Variants in CCSER1 observed in about 807,000 individuals in gnomAD.
The protein encoded by CCSER1 is serine-rich coiled-coil domain-containing protein 1.
A neutral mutation model predicts 82.0 loss-of-function variants in CCSER1; 41 were observed. That is an observed-to-expected ratio of 0.50 (90% CI 0.39 to 0.65). CCSER1 has a LOEUF of 0.65. CCSER1 is among the 30% of genes least tolerant of loss of function. CCSER1 has a pLI of 0.00. For missense variants in CCSER1, 1,119 were observed against 1,064.2 expected (o/e 1.05, Z -0.72); for synonymous variants, 414 against 383.9 (o/e 1.08, Z -0.92).
At chr4:90,700,461 G>C (rs1411591099) in intron 6 of CCSER1, among the ~76,000 whole-genome samples, 2 of 152,144 alleles carry the variant, frequency 1.3e-5, no homozygotes, top group Non-Finnish European at 2.9e-5. Context: ...GTGTGCATGT[G>C]TCTTTATAGC....
intron 10 of CCSER1, among the ~76,000 whole-genome samples, chr4:91,281,314 T>C (rs901758300): frequency 6.6e-6 from 1 of 152,194 alleles, no homozygotes; most frequent in African/African-American, 2.4e-5. Context: ...AGGGATCAAG[T>C]ATCACATGCC....
intron 9 of CCSER1, among the ~76,000 whole-genome samples, chr4:90,950,684 A>G (rs1732810577): frequency 6.6e-6 from 1 of 152,134 alleles, no homozygotes; most frequent in South Asian, 2.1e-4. Flanking sequence ...ATATATGGCC[A>G]TTAAAAACAG....
At chr4:90,944,097 G>T (rs975736320) in intron 9 of CCSER1, among the ~76,000 whole-genome samples, 9 of 151,900 alleles carry the variant, frequency 5.9e-5, no homozygotes, top group Admixed American at 5.9e-4. Flanking sequence ...AGCTGGGCGA[G>T]CGGCTTGAGC....
chr4:90,565,897 A>G (rs1167156510), intron 5 of CCSER1, among the ~76,000 whole-genome samples: 2 of 145,836 alleles, frequency 1.4e-5, no homozygotes. Context: ...GTCTTGCTCT[A>G]TCACCCAGGG....
chr4:91,204,578 A>G (rs1736189837), intron 10 of CCSER1, among the ~76,000 whole-genome samples: 1 of 151,826 alleles, frequency 6.6e-6, no homozygotes, highest in Non-Finnish European at 1.5e-5. Context: ...AGCCTTTAAA[A>G]CTATCTTGCA....
At chr4:90,780,664 A>G (rs1031133345) in intron 7 of CCSER1, 5 of 1,360,948 alleles carry the variant, frequency 3.7e-6, no homozygotes, top group South Asian at 4.1e-5. Flanking sequence ...TCTTAAAATA[A>G]TAATGAACTA....
chr4:91,437,368 A>G (rs1650965951), intron 10 of CCSER1, among the ~76,000 whole-genome samples: 1 of 152,238 alleles, frequency 6.6e-6, no homozygotes, highest in Admixed American at 6.5e-5. Context: ...GTCATAAAAC[A>G]AGAAAAATAT....
intron 10 of CCSER1, among the ~76,000 whole-genome samples, chr4:91,382,323 G>T (rs1434059578): frequency 6.6e-6 from 1 of 152,200 alleles, no homozygotes; most frequent in Non-Finnish European, 1.5e-5. Flanking sequence ...TACAGAGGCA[G>T]GCAGGCCTCC....
chr4:90,232,863 A>G (rs1003791693), intron 1 of CCSER1, among the ~76,000 whole-genome samples: 8 of 151,830 alleles, frequency 5.3e-5, no homozygotes, highest in East Asian at 1.9e-4. Context: ...GCCAAAAACC[A>G]CATGAAAAAA....
At chr4:91,515,266 A>G (rs1012090051) in intron 10 of CCSER1, among the ~76,000 whole-genome samples, 1 of 152,072 alleles carries the variant, frequency 6.6e-6, no homozygotes, top group African/African-American at 2.4e-5. Flanking sequence ...AGGTAAAGTC[A>G]AGTCATGGGG....
intron 8 of CCSER1, among the ~76,000 whole-genome samples, chr4:90,910,756 A>G (rs1726208794): frequency 6.6e-6 from 1 of 152,310 alleles, no homozygotes; most frequent in African/African-American, 2.4e-5. Flanking sequence ...TTTTTTAAAC[A>G]TACAAACCTG....
intron 7 of CCSER1, among the ~76,000 whole-genome samples, chr4:90,782,929 C>T (rs912899016): frequency 6.6e-6 from 1 of 151,062 alleles, no homozygotes; most frequent in African/African-American, 2.4e-5. Flanking sequence ...ATCCCCCCTC[C>T]TCGGCCTCCC....
intron 10 of CCSER1, among the ~76,000 whole-genome samples, chr4:91,526,434 C>G (rs76125902): frequency 0.13 from 20,442 of 152,064 alleles, 1,551 homozygotes; most frequent in African/African-American, 0.21. Flanking sequence ...GCACCCTGAC[C>G]ACCCTGGGGA....
At chr4:91,330,385 C>T (rs996360046) in intron 10 of CCSER1, among the ~76,000 whole-genome samples, 8 of 152,134 alleles carry the variant, frequency 5.3e-5, no homozygotes, top group Admixed American at 2.6e-4. Context: ...AGTCACCGAT[C>T]ACTGTGGCAA....
chr4:91,391,246 T>G, intron 10 of CCSER1, among the ~76,000 whole-genome samples: 1 of 152,164 alleles, frequency 6.6e-6, no homozygotes, highest in East Asian at 1.9e-4. Flanking sequence ...AAATTATATT[T>G]CACTCTCATC....
intron 8 of CCSER1, among the ~76,000 whole-genome samples, chr4:90,817,797 A>G (rs1006023289): frequency 2.0e-5 from 3 of 152,194 alleles, no homozygotes; most frequent in Non-Finnish European, 4.4e-5. Context: ...AATGCCAATC[A>G]TGTAGGCCAA....
At chr4:90,876,840 T>C (rs1013709303) in intron 8 of CCSER1, among the ~76,000 whole-genome samples, 3 of 152,242 alleles carry the variant, frequency 2.0e-5, no homozygotes, top group African/African-American at 2.4e-5. Context: ...CTTCCTTTAT[T>C]GATGTATCTA....
intron 9 of CCSER1, among the ~76,000 whole-genome samples, chr4:90,956,123 G>A (rs1733410513): frequency 6.6e-6 from 1 of 151,842 alleles, no homozygotes; most frequent in Non-Finnish European, 1.5e-5. Flanking sequence ...ATTTAAAGTG[G>A]GTAAAATTAA....
At chr4:90,615,814 C>T (rs74436414) in intron 5 of CCSER1, among the ~76,000 whole-genome samples, 1,724 of 151,852 alleles carry the variant, frequency 0.011, 22 homozygotes, top group Middle Eastern at 0.021. Context: ...AGGATTGATA[C>T]GAAGTTTGAA....
Sources: gnomAD v4.1 joint callset for allele counts (sites outside exome capture counted in the v4.1 genomes callset) on GRCh38, gnomAD v4.1.1 for gene constraint, MANE v1.5 for transcripts, NCBI Gene and HGNC (gene_info 2026-07-23, HGNC 2026-07-21) for gene names.